Variants in LPO observed in about 807,000 individuals in gnomAD.
LPO encodes lactoperoxidase, also known as salivary peroxidase.
Under a neutral mutation model 68.4 loss-of-function variants are expected in LPO, and 70 were observed. That is an observed-to-expected ratio of 1.02 (90% CI 0.84 to 1.25). The LOEUF is 1.25. Among genes scored for constraint, LPO ranks in the 50% most tolerant of loss-of-function variants. The pLI, the probability that LPO is intolerant of heterozygous loss-of-function variation, is 0.00. For synonymous variants in LPO, 360 were observed against 357.6 expected (o/e 1.01, Z -0.08); for missense variants, 873 against 908.4 (o/e 0.96, Z 0.50).
At chr17:58,241,521 T>G (rs1005703624) in intron 1 of LPO, among the ~76,000 whole-genome samples, 1 of 152,152 alleles carries the variant, frequency 6.6e-6, no homozygotes, top group Non-Finnish European at 1.5e-5. Context: ...AACCCTGCAA[T>G]GGGTCCCCTG....
chr17:58,249,588 G>T lies in LPO; in HGVS notation c.466G>T (p.Ala156Ser), dbSNP rs1969918373. ...NNRRKPALGA[A>S]NRALARWLPA... ...CAGGAGGAAGCCTGCGCTGGGCGCC[G>T]CCAACAGGGCTCTGGCGCGCTGGCT... Residue 156 changes from alanine (A) to serine (S), a missense_variant, in exon 6 of 13, where the codon GCC becomes TCC. Transcript: ENST00000262290. 6.2e-7 allele frequency: 1 copy of T among 1,603,662 alleles called. No individual in the cohort carries two copies. Among genetic ancestry groups the T allele is most frequent in the Non-Finnish European group, 8.5e-7 (1 of 1,179,144 alleles).
chr17:58,263,756 AT>A (rs1311075961), intron 9 of LPO, among the ~76,000 whole-genome samples: 3 of 152,036 alleles, frequency 2.0e-5, no homozygotes, highest in African/African-American at 7.2e-5. Context: ...AAAGCACTTC[AT>A]TTTAGCACAT....
intron 2 of LPO, chr17:58,243,381 T>C (rs540146136): frequency 3.3e-6 from 1 of 304,492 alleles, no homozygotes. Context: ...TTAGGGCCGA[T>C]GCTAAGGCAG....
chr17:58,266,307 C>A lies in LPO; in HGVS notation c.1674C>A (p.Cys558Ter). 6.2e-7 allele frequency: 1 copy of A among 1,614,080 alleles called. No individual in the cohort carries two copies. Among genetic ancestry groups the A allele is most frequent in the Non-Finnish European group, 8.5e-7 (1 of 1,180,026 alleles). The change falls in exon 11 of 13, where the codon TGC (cysteine) becomes TGA (stop). Residue 558 changes from cysteine to a stop codon, truncating the protein, a stop_gained. Coordinates refer to ENST00000262290, the MANE Select transcript of LPO (RefSeq NM_006151.3). LOFTEE classifies it high-confidence loss of function. ...FDLAAINTQR[C>*]RDHGQPGYNS... is the part of the protein sequence containing the mutation. ...TGGCTGCCATCAACACACAGCGTTG[C>A]CGGGACCATGGGCAACCTGGTGAGT...
chr17:58,242,881 G>A, intron 1 of LPO, 97 bp from the exon 2 acceptor site: 1 of 937,774 alleles, frequency 1.1e-6, no homozygotes, highest in Non-Finnish European at 1.7e-6. Flanking sequence ...ATATTAGGGT[G>A]TCTGGTGCTC....
In LPO at chr17:58,264,863, G is replaced by C. The variant is rs1350078292; in HGVS notation, c.1408G>C (p.Glu470Gln). Residue 470 changes from glutamate (E) to glutamine (Q), a missense_variant, in exon 10 of 13, where the codon GAG becomes CAG. By Grantham distance (29) the Glu-to-Gln change is conservative. Transcript: ENST00000262290. ...FTFAFRFGHL[E>Q]VPSSMFRLDE... Reference sequence around the variant, plus strand: ...CTTCGCCTTCCGCTTTGGCCACTTGGAGGTCCCCTCTAGTATGTTCCGCCT... The same window carrying C: ...CTTCGCCTTCCGCTTTGGCCACTTGCAGGTCCCCTCTAGTATGTTCCGCCT... 6.2e-7 allele frequency: 1 copy of C among 1,614,208 alleles called. No homozygotes were observed. The highest frequency in any genetic ancestry group is 2.2e-5 in the East Asian group (1 of 44,888).
In LPO at chr17:58,249,589, C is replaced by T. The variant is rs1453231177; in HGVS notation, c.467C>T (p.Ala156Val). 1.7e-5 allele frequency: 27 copies of T among 1,604,002 alleles called. No homozygotes were observed. Among genetic ancestry groups the T allele is most frequent in the Middle Eastern group, 1.8e-4 (1 of 5,526 alleles). ...AGGAGGAAGCCTGCGCTGGGCGCCGCCAACAGGGCTCTGGCGCGCTGGCTG... is the reference window on the plus strand; with the variant it reads ...AGGAGGAAGCCTGCGCTGGGCGCCGTCAACAGGGCTCTGGCGCGCTGGCTG... ...NNRRKPALGA[A>V]NRALARWLPA... Residue 156 changes from alanine (A) to valine (V), a missense_variant, in exon 6 of 13, where the codon GCC becomes GTC. Transcript: ENST00000262290.
At chr17:58,253,930 G>A (rs931655729) in intron 8 of LPO, among the ~76,000 whole-genome samples, 4 of 152,084 alleles carry the variant, frequency 2.6e-5, no homozygotes, top group Non-Finnish European at 5.9e-5. Context: ...GGGCAACATA[G>A]CAAGACCCCT....
intron 9 of LPO, among the ~76,000 whole-genome samples, chr17:58,262,191 G>C (rs929900437): frequency 1.3e-5 from 2 of 152,072 alleles, no homozygotes; most frequent in Non-Finnish European, 2.9e-5. Flanking sequence ...TTAAGGATAG[G>C]TCTGTGTGCA....
intron 1 of LPO, among the ~76,000 whole-genome samples, chr17:58,240,052 T>A (rs1174734669): frequency 6.6e-6 from 1 of 152,148 alleles, no homozygotes; most frequent in East Asian, 1.9e-4. Flanking sequence ...GAAACAGATG[T>A]GAAGACAGTA....
intron 1 of LPO, 54 bp from the exon 2 acceptor site, chr17:58,242,924 C>A: frequency 6.7e-7 from 1 of 1,503,016 alleles, no homozygotes; most frequent in Non-Finnish European, 9.3e-7. Flanking sequence ...TGGTTCAAAC[C>A]CTCCCACTTG....
chr17:58,247,662 T>A (rs776700286), intron 4 of LPO, 24 bp downstream of exon 4: 32 of 1,607,010 alleles, frequency 2.0e-5, no homozygotes, highest in Non-Finnish European at 2.7e-5. Flanking sequence ...ACCAGCCCTC[T>A]GTGGCAGGAA....
At chr17:58,240,413 G>C (rs1368112201) in intron 1 of LPO, among the ~76,000 whole-genome samples, 1 of 152,184 alleles carries the variant, frequency 6.6e-6, no homozygotes, top group Non-Finnish European at 1.5e-5. Flanking sequence ...CATCACAGGA[G>C]CCTCTTGTTG....
intron 2 of LPO, 40 bp downstream of exon 2, chr17:58,243,095 A>G (rs1489641846): frequency 6.4e-7 from 1 of 1,573,556 alleles, no homozygotes; most frequent in Non-Finnish European, 8.7e-7. Context: ...GGCTGCTGTC[A>G]CAAAGCACAC....
chr17:58,256,741 G>A (rs1217316472), intron 9 of LPO, among the ~76,000 whole-genome samples: 3 of 151,446 alleles, frequency 2.0e-5, no homozygotes, highest in African/African-American at 7.3e-5. Context: ...TTGAACCCAG[G>A]AGGTGGAGGT....
At chr17:58,246,441 C>T (rs8178309) in intron 3 of LPO, among the ~76,000 whole-genome samples, 7 of 152,104 alleles carry the variant, frequency 4.6e-5, no homozygotes, top group Admixed American at 2.6e-4. Flanking sequence ...GCTAGGACCG[C>T]GGTGGAGACT....
intron 9 of LPO, among the ~76,000 whole-genome samples, chr17:58,260,993 C>G (rs1970164953): frequency 6.6e-6 from 1 of 152,160 alleles, no homozygotes; most frequent in Non-Finnish European, 1.5e-5. Context: ...AGAAACTATA[C>G]TCTGTATGAT....
chr17:58,241,123 T>A (rs1969747916), intron 1 of LPO, among the ~76,000 whole-genome samples: 1 of 145,274 alleles, frequency 6.9e-6, no homozygotes, highest in South Asian at 2.1e-4. Flanking sequence ...CTTTTCTTTT[T>A]TCTTTTTTTT....
chr17:58,248,571 C>T (rs143817532), intron 4 of LPO, among the ~76,000 whole-genome samples: 8 of 152,284 alleles, frequency 5.3e-5, no homozygotes, highest in Middle Eastern at 6.8e-3. Flanking sequence ...CTCCCACAAC[C>T]CTTGCCCCTC....
Sources: allele counts gnomAD v4.1 joint callset (sites outside exome capture counted in the v4.1 genomes callset), GRCh38; gene constraint gnomAD v4.1.1; transcripts MANE v1.5; gene names NCBI Gene and HGNC (gene_info 2026-07-23, HGNC 2026-07-21).